The following COL1A2 variants were observed in gnomAD, a reference collection of about 807,000 sequenced individuals.
COL1A2 encodes collagen alpha-2(I) chain.
A neutral mutation model predicts 174.3 loss-of-function variants in COL1A2; 49 were observed. That is an observed-to-expected ratio of 0.28 (90% CI 0.22 to 0.36). The LOEUF is 0.36. Among genes scored for constraint, COL1A2 ranks in the 10% least tolerant of loss-of-function variants. The pLI is 1.00. For synonymous variants in COL1A2, 655 were observed against 606.6 expected (o/e 1.08, Z -1.17); for missense variants, 1,438 against 1,822.7 (o/e 0.79, Z 3.84).
At chr7:94,419,183 T>C (rs1342913938) in intron 33 of COL1A2, among the ~76,000 whole-genome samples, 1 of 151,190 alleles carries the variant, frequency 6.6e-6, no homozygotes, top group Non-Finnish European at 1.5e-5. Context: ...GTTCTAACAG[T>C]TTCAAACAAG....
chr7:94,419,894 T>C (rs1194944241), intron 34 of COL1A2, among the ~76,000 whole-genome samples: 1 of 152,220 alleles, frequency 6.6e-6, no homozygotes, highest in Non-Finnish European at 1.5e-5. Context: ...CATTTCACAT[T>C]GAACTCTCCA....
chr7:94,416,726 CAT>C, intron 31 of COL1A2: 1 of 568,592 alleles, frequency 1.8e-6, no homozygotes, highest in Non-Finnish European at 3.1e-6. Flanking sequence ...GTTCCCAAAA[CAT>C]AAATGAATTA....
At chr7:94,395,357 C>A (rs1238539572) in intron 1 of COL1A2, 3 of 539,736 alleles carry the variant, frequency 5.6e-6, no homozygotes, top group Non-Finnish European at 1.0e-5. Context: ...TCTGGCTCCT[C>A]AGCTTAGTAA....
At chr7:94,421,832 A>T in intron 38 of COL1A2, 67 bp from the exon 39 acceptor site, 1 of 1,507,344 alleles carries the variant, frequency 6.6e-7, no homozygotes. Flanking sequence ...AAACAAAGAA[A>T]TTCCCATCTT....
At chr7:94,408,669 C>T (rs1791855003) in intron 15 of COL1A2, 101 bp from the exon 16 acceptor site, 1 of 1,274,262 alleles carries the variant, frequency 7.8e-7, no homozygotes, top group Non-Finnish European at 1.1e-6. Flanking sequence ...CTAATATAAA[C>T]AGTGTCATGC....
intron 38 of COL1A2, 49 bp from the exon 39 acceptor site, chr7:94,421,850 T>G: frequency 1.3e-6 from 2 of 1,586,360 alleles, no homozygotes; most frequent in Non-Finnish European, 1.7e-6. Context: ...CTTACCCAAA[T>G]TCTTGGAGTT....
At chr7:94,424,041 C>A (rs1213782739) in intron 40 of COL1A2, 3 of 381,774 alleles carry the variant, frequency 7.9e-6, no homozygotes, top group Non-Finnish European at 1.5e-5. Context: ...TGTTTCCCTG[C>A]CTAGAGGCTA....
chr7:94,398,299 G>T, intron 2 of COL1A2, 83 bp from the exon 3 acceptor site: 1 of 464,390 alleles, frequency 2.2e-6, no homozygotes, highest in Non-Finnish European at 3.7e-6. Flanking sequence ...AGGTATATTT[G>T]TATACTACAC....
chr7:94,407,735 A>G, intron 12 of COL1A2, 112 bp from the exon 13 acceptor site: 1 of 886,748 alleles, frequency 1.1e-6, no homozygotes, highest in East Asian at 2.7e-5. Flanking sequence ...TGTGTAAGAA[A>G]TATTATGAAG....
intron 42 of COL1A2, 107 bp downstream of exon 42, chr7:94,425,331 G>A (rs1034546359): frequency 2.7e-6 from 3 of 1,101,946 alleles, no homozygotes; most frequent in Non-Finnish European, 4.1e-6. Context: ...GAACAAGATG[G>A]TCAGCTTCTC....
At chr7:94,402,859 C>G (rs1190310785) in intron 6 of COL1A2, among the ~76,000 whole-genome samples, 1 of 152,048 alleles carries the variant, frequency 6.6e-6, no homozygotes, top group Non-Finnish European at 1.5e-5. Context: ...CCACAGTAAG[C>G]TAATATACTC....
intron 25 of COL1A2, 60 bp from the exon 26 acceptor site, chr7:94,413,023 G>T: frequency 6.5e-7 from 1 of 1,527,912 alleles, no homozygotes. Flanking sequence ...AATCACCGTG[G>T]TTAATTTGAC....
At chr7:94,410,568 C>G (rs1429961805) in intron 21 of COL1A2, 41 bp downstream of exon 21, 1 of 1,480,454 alleles carries the variant, frequency 6.8e-7, no homozygotes, top group Admixed American at 2.0e-5. Flanking sequence ...ACACCAGAGG[C>G]AGATTATGAT....
intron 30 of COL1A2, 47 bp from the exon 31 acceptor site, chr7:94,416,358 C>G (rs1215179732): frequency 3.4e-6 from 5 of 1,483,594 alleles, no homozygotes; most frequent in Non-Finnish European, 4.6e-6. Context: ...AACAGTATCA[C>G]TGAAAGTGAT....
Position 94,427,040 on chromosome 7 carries a change from C to T in COL1A2, c.3138C>T (p.Ser1046=), listed in dbSNP as rs750515344. ...ATGGTGATCAAGGTGCTCCTGGCTC[C>T]GTGGGTCCTGCTGGTCCTAGGGTAG... ...GHHGDQGAPG[S]VGPAGPRGPA... is the part of the protein sequence containing the mutation. The change falls in exon 47 of 52, where the codon TCC becomes TCT. Residue 1046 remains serine, a synonymous_variant. Coordinates refer to ENST00000297268, the MANE Select transcript of COL1A2 (RefSeq NM_000089.4). The T allele has an allele frequency of 7.4e-6, 12 of 1,613,908 alleles. No individual in the cohort carries two copies. Among genetic ancestry groups the T allele is most frequent in the East Asian group, 4.5e-5 (2 of 44,884 alleles).
intron 6 of COL1A2, among the ~76,000 whole-genome samples, chr7:94,403,941 T>A (rs1791742506): frequency 6.6e-6 from 1 of 152,180 alleles, no homozygotes; most frequent in Non-Finnish European, 1.5e-5. Flanking sequence ...AACAATAATA[T>A]CATATAATAG....
intron 30 of COL1A2, 24 bp from the exon 31 acceptor site, chr7:94,416,381 A>C: frequency 6.5e-7 from 1 of 1,542,166 alleles, no homozygotes; most frequent in South Asian, 1.2e-5. Context: ...ATGGTGCAAC[A>C]CTTCTTCTAA....
rs538649761 is a variant in COL1A2, at chr7:94,404,922, A to G, written c.432+30A>G. 7.2e-5 allele frequency: 116 copies of G among 1,612,554 alleles called. 1 individual carries two copies. The highest frequency in any genetic ancestry group is 3.7e-4 in the South Asian group (34 of 91,044). ...GTATTTACTCTTAAGCACTTTCAAAATGCTATTTAAATACTCTTGCCTCAA... is the reference window on the plus strand; with the variant it reads ...GTATTTACTCTTAAGCACTTTCAAAGTGCTATTTAAATACTCTTGCCTCAA... On this transcript the variant is annotated intron_variant, in intron 9 of 51. Coordinates refer to ENST00000297268, the MANE Select transcript of COL1A2 (RefSeq NM_000089.4).
At chr7:94,406,819 C>T (rs867425836) in intron 12 of COL1A2, among the ~76,000 whole-genome samples, 20 of 152,196 alleles carry the variant, frequency 1.3e-4, no homozygotes, top group African/African-American at 4.8e-4. Flanking sequence ...TCTTCTCTGA[C>T]AGCGTTTTCA....
Sources: gnomAD v4.1 joint callset for allele counts (sites outside exome capture counted in the v4.1 genomes callset) on GRCh38, gnomAD v4.1.1 for gene constraint, MANE v1.5 for transcripts, NCBI Gene and HGNC (gene_info 2026-07-23, HGNC 2026-07-21) for gene names.